The following CEP97 variants were observed in gnomAD, a reference collection of about 807,000 sequenced individuals.
CEP97 encodes the protein centrosomal protein 97.
A neutral mutation model predicts 73.1 loss-of-function variants in CEP97; 43 were observed. The observed-to-expected ratio is 0.59, with a 90% CI of 0.46 to 0.76. The LOEUF (loss-of-function observed/expected upper bound fraction) is 0.76, where lower values mean the gene tolerates loss of function less well. Ranked by LOEUF, CEP97 falls within the 30% of genes least tolerant of loss-of-function variation. The pLI is 0.00. For missense variants in CEP97, 939 were observed against 1,014.0 expected (o/e 0.93, Z 1.00); for synonymous variants, 337 against 370.0 (o/e 0.91, Z 1.02).
At chr3:101,754,103 G>T (rs1938936539) in intron 6 of CEP97, among the ~76,000 whole-genome samples, 1 of 133,450 alleles carries the variant, frequency 7.5e-6, no homozygotes, top group Non-Finnish European at 1.5e-5. Flanking sequence ...GTCCAGGCTG[G>T]CTTCAAACTC....
chr3:101,755,861 G>C (rs1477561675), intron 7 of CEP97, among the ~76,000 whole-genome samples: 4 of 152,054 alleles, frequency 2.6e-5, no homozygotes, highest in Non-Finnish European at 5.9e-5. Flanking sequence ...TGCAGTCATA[G>C]GTCACTGCAG....
At chr3:101,741,767 C>CATGG (rs2107152538) in intron 6 of CEP97, among the ~76,000 whole-genome samples, 1 of 152,238 alleles carries the variant, frequency 6.6e-6, no homozygotes, top group African/African-American at 2.4e-5. Flanking sequence ...ACAGGCTGGG[C>CATGG]ATGGTGGCTC....
In CEP97 at chr3:101,769,260, G is replaced by GA. The variant is rs1346915332; in HGVS notation, c.*3716dup. ...TCCTCGGGAGTTAAGATGGTAAAAA[G>GA]AAAAAAATAGAATGAATATGATCAT... On this transcript the variant is annotated 3_prime_UTR_variant, in exon 11 of 11. Coordinates refer to ENST00000341893, the MANE Select transcript of CEP97 (RefSeq NM_024548.4). 1.4e-5 allele frequency: 2 copies of GA among 147,956 alleles called. No homozygotes were observed. The highest frequency in any genetic ancestry group is 3.0e-5 in the Non-Finnish European group (2 of 67,014). 9.2% of individuals were successfully genotyped at this position (147,956 alleles called of 1,614,324 possible).
At chr3:101,737,026 C>T (rs547195075) in intron 6 of CEP97, among the ~76,000 whole-genome samples, 5 of 152,196 alleles carry the variant, frequency 3.3e-5, no homozygotes, top group South Asian at 4.1e-4. Context: ...AAACACAGCA[C>T]GAGAACTTTG....
chr3:101,728,571 T>C (rs1241985168), intron 3 of CEP97, among the ~76,000 whole-genome samples: 2 of 152,126 alleles, frequency 1.3e-5, no homozygotes, highest in African/African-American at 4.8e-5. Flanking sequence ...GCCATTACTA[T>C]GTTTTTTTTC....
At position 101,770,125 on chromosome 3, in the gene CEP97, A is replaced by G. The variant is rs1939424107; in HGVS notation, c.*4574A>G. On this transcript the variant is annotated 3_prime_UTR_variant, in exon 11 of 11. Transcript: ENST00000341893. ...CTGCAACCTCCATCTCCTGGGTTCA[A>G]GTGATTCTCCTGCCTCATCCTCCCG... is the stretch of plus-strand genomic sequence containing the variant. 6.6e-6 allele frequency: 1 copy of G among 152,198 alleles called. No individual in the cohort carries two copies. The allele number at this position is 152,198 out of a possible 1,614,324, so 9.4% of individuals were successfully genotyped here.
intron 6 of CEP97, among the ~76,000 whole-genome samples, chr3:101,742,746 A>G (rs979961771): frequency 6.6e-6 from 1 of 152,076 alleles, no homozygotes; most frequent in Non-Finnish European, 1.5e-5. Context: ...AAAAAAAAAA[A>G]AAGTGTGGGA....
intron 6 of CEP97, among the ~76,000 whole-genome samples, chr3:101,734,060 A>C (rs1938201970): frequency 1.4e-5 from 2 of 146,422 alleles, no homozygotes; most frequent in Admixed American, 1.4e-4. Flanking sequence ...TCCTGACCTC[A>C]GGTGATGCGC....
chr3:101,752,016 T>TGCAGTG (rs1473821530), intron 6 of CEP97, among the ~76,000 whole-genome samples: 1 of 152,254 alleles, frequency 6.6e-6, no homozygotes, highest in Non-Finnish European at 1.5e-5. Context: ...GGCATGATTT[T>TGCAGTG]GCAGTGGCTG....
chr3:101,748,965 T>C (rs1046687644), intron 6 of CEP97, among the ~76,000 whole-genome samples: 4 of 152,174 alleles, frequency 2.6e-5, no homozygotes, highest in African/African-American at 9.6e-5. Context: ...TCTAATTATC[T>C]TTATTAAATA....
chr3:101,727,959 A>G (rs1438163965), intron 3 of CEP97, among the ~76,000 whole-genome samples: 1 of 152,200 alleles, frequency 6.6e-6, no homozygotes, highest in Non-Finnish European at 1.5e-5. Flanking sequence ...TTGGCATGCT[A>G]GCTGAGAGGA....
chr3:101,768,444 T>C lies in CEP97; in HGVS notation c.*2893T>C, dbSNP rs1939371672. The stretch of plus-strand genomic sequence containing the variant: ...CTATCACTCATGACAGAGTTGCTTG[T>C]AGAAAATAACTAATTCCTTCAGAAC... On this transcript the variant is annotated 3_prime_UTR_variant, in exon 11 of 11. Transcript: ENST00000341893. The C allele has an allele frequency of 6.6e-6, 1 of 152,232 alleles. No individual in the cohort carries two copies. The highest frequency in any genetic ancestry group is 1.5e-5 in the Non-Finnish European group (1 of 68,048). The allele number at this position is 152,232 out of a possible 1,614,324, so 9.4% of individuals were successfully genotyped here.
At position 101,758,659 on chromosome 3, in the gene CEP97, T is replaced by C. The variant is rs139539785; in HGVS notation, c.1817+236T>C. On this transcript the variant is annotated intron_variant, in intron 9 of 10. Transcript: ENST00000341893. Reference sequence around the variant, plus strand: ...TTGATACATAGATGCAGTGTAGTAATAAATGTTCAATGAACGTGAGCTTTA... The same window carrying C: ...TTGATACATAGATGCAGTGTAGTAACAAATGTTCAATGAACGTGAGCTTTA... 3.2e-4 allele frequency: 164 copies of C among 507,070 alleles called. No homozygotes were observed. In the East Asian group the frequency reaches 4.7e-3, roughly 15 times the overall value. The allele number at this position is 507,070 out of a possible 1,614,324, so 31.4% of individuals were successfully genotyped here. A position where few individuals can be genotyped will look rare whatever the true frequency, so the allele number is the denominator to read the frequency against.
chr3:101,731,435 A>G (rs1313294933), intron 4 of CEP97, among the ~76,000 whole-genome samples: 1 of 152,044 alleles, frequency 6.6e-6, no homozygotes, highest in Non-Finnish European at 1.5e-5. Flanking sequence ...TCCTGGGCTC[A>G]AGCAATCTTC....
intron 6 of CEP97, among the ~76,000 whole-genome samples, chr3:101,740,887 T>C (rs1938430963): frequency 6.6e-6 from 1 of 152,010 alleles, no homozygotes; most frequent in Admixed American, 6.6e-5. Context: ...GCGCACCCGG[T>C]CCCATTGACT....
chr3:101,761,312 C>T (rs34376498), intron 9 of CEP97, among the ~76,000 whole-genome samples: 46,397 of 151,986 alleles, frequency 0.31, 7,378 homozygotes, highest in Non-Finnish European at 0.35. Context: ...TGCTTAGAAC[C>T]ATTTCTGAAA....
In CEP97 at chr3:101,724,655, G is replaced by GT. The variant is rs1560005275; in HGVS notation, c.-21dup. The GT allele has an allele frequency of 6.2e-7, 1 of 1,614,172 alleles. No individual in the cohort carries two copies. The highest frequency in any genetic ancestry group is 1.7e-5 in the Admixed American group (1 of 60,026). On this transcript the variant is annotated 5_prime_UTR_variant, in exon 1 of 11. Coordinates refer to ENST00000341893, the MANE Select transcript of CEP97 (RefSeq NM_024548.4). ...AGAGCCGCGGGAGGACGGTTGCCTG[G>GT]TATTATTAGCAAGCAGCAAATATGG...
In CEP97 at chr3:101,765,532, A is replaced by G. The variant is rs768981070; in HGVS notation, c.2579A>G (p.His860Arg). 6.2e-7 allele frequency: 1 copy of G among 1,611,702 alleles called. No individual in the cohort carries two copies. Among genetic ancestry groups the G allele is most frequent in the Non-Finnish European group, 8.5e-7 (1 of 1,178,252 alleles). ...PECDSTFQLLHVGVTV is the reference protein window; with the variant it reads ...PECDSTFQLLRVGVTV Reference sequence around the variant, plus strand: ...TGTGATTCTACATTTCAGCTATTGCATGTTGGTGTTACTGTGTAGCATGTC... The same window carrying G: ...TGTGATTCTACATTTCAGCTATTGCGTGTTGGTGTTACTGTGTAGCATGTC... Residue 860 changes from histidine to arginine, a missense_variant, in exon 11 of 11, where the codon CAT becomes CGT. Transcript: ENST00000341893.
rs375112410 is a variant in CEP97, at chr3:101,726,766, A to G, written c.186+30A>G. The G allele has an allele frequency of 3.3e-6, 5 of 1,493,220 alleles. No individual in the cohort carries two copies. The African/African-American group carries it at 4.2e-5, about 13-fold the overall frequency. 92.5% of individuals were successfully genotyped at this position (1,493,220 alleles called of 1,614,324 possible). ...GTATTGCAATCTGGGAAATGGTTAC[A>G]TAGGATCAATTTATTATTAAACAAA... On this transcript the variant is annotated intron_variant, in intron 2 of 10. Coordinates refer to ENST00000341893, the MANE Select transcript of CEP97 (RefSeq NM_024548.4).
Sources: gnomAD v4.1 joint callset for allele counts (sites outside exome capture counted in the v4.1 genomes callset) on GRCh38, gnomAD v4.1.1 for gene constraint, MANE v1.5 for transcripts, NCBI Gene and HGNC (gene_info 2026-07-23, HGNC 2026-07-21) for gene names.